Variants in GALNT2 observed in about 807,000 individuals in gnomAD.
The protein encoded by GALNT2 is UDP-GalNAc:polypeptide N-acetylgalactosaminyltransferase 2.
In GALNT2, 31 loss-of-function variants were observed where a neutral mutation model predicts 81.4. The observed-to-expected ratio is 0.38, with a 90% confidence interval of 0.29 to 0.51. GALNT2 has a LOEUF of 0.51. GALNT2 is among the 20% of genes least tolerant of loss of function. The pLI is 0.87. For missense variants in GALNT2, 629 were observed against 765.7 expected (o/e 0.82, Z 2.11); for synonymous variants, 303 against 287.4 (o/e 1.05, Z -0.55).
At chr1:230,101,040 G>A (rs1660386929) in intron 1 of GALNT2, among the ~76,000 whole-genome samples, 1 of 152,164 alleles carries the variant, frequency 6.6e-6, no homozygotes. Flanking sequence ...ATGCTATACA[G>A]GTTTGTAGCC....
At chr1:230,267,591 G>T (rs115657983) in intron 14 of GALNT2, among the ~76,000 whole-genome samples, 1 of 152,222 alleles carries the variant, frequency 6.6e-6, no homozygotes, top group Non-Finnish European at 1.5e-5. Flanking sequence ...TAGCCTGAGG[G>T]ACCAGTTTTA....
At chr1:230,076,953 G>C (rs180866943) in intron 1 of GALNT2, among the ~76,000 whole-genome samples, 1 of 152,146 alleles carries the variant, frequency 6.6e-6, no homozygotes, top group Admixed American at 6.5e-5. Context: ...ACAGGCTGCT[G>C]CCCTAGAAAA....
At chr1:230,181,890 T>A (rs879872440) in intron 2 of GALNT2, among the ~76,000 whole-genome samples, 9 of 152,226 alleles carry the variant, frequency 5.9e-5, no homozygotes, top group Non-Finnish European at 1.0e-4. Flanking sequence ...TTTGGGAAGA[T>A]TATTAATTAT....
intron 1 of GALNT2, among the ~76,000 whole-genome samples, chr1:230,085,859 C>A (rs77057189): frequency 0.027 from 4,044 of 151,800 alleles, 84 homozygotes; most frequent in Non-Finnish European, 0.042. Context: ...CTGGTGTAGA[C>A]GTTGGGGGTG....
intron 1 of GALNT2, among the ~76,000 whole-genome samples, chr1:230,105,567 G>A (rs2102783013): frequency 6.6e-6 from 1 of 152,304 alleles, no homozygotes; most frequent in African/African-American, 2.4e-5. Flanking sequence ...TTGCTCTTGT[G>A]TAAGCTCCTG....
In GALNT2 at chr1:230,172,589, A is replaced by G. The variant is rs138657334; in HGVS notation, c.127-5629A>G. Among the ~76,000 whole-genome samples the G allele has an allele frequency of 4.6e-5, 7 of 152,346 alleles. No homozygotes were observed. In the East Asian group the frequency reaches 1.3e-3, roughly 29 times the overall value. ...TTGGACTGCACAGTGCCCTGCACGCATAGATTCGATCAATAGTGCCTAAGG... is the reference window on the plus strand; with the variant it reads ...TTGGACTGCACAGTGCCCTGCACGCGTAGATTCGATCAATAGTGCCTAAGG... On this transcript the variant is annotated intron_variant, in intron 1 of 15. Transcript: ENST00000366672.
chr1:230,160,724 C>A (rs4846915), intron 1 of GALNT2, among the ~76,000 whole-genome samples: 133,900 of 150,572 alleles, frequency 0.89, 59,736 homozygotes, highest in East Asian at 0.96. Flanking sequence ...AAAAAAAAAA[C>A]ACGAAACTTT....
At chr1:230,121,717 C>T (rs768377145) in intron 1 of GALNT2, among the ~76,000 whole-genome samples, 8 of 152,176 alleles carry the variant, frequency 5.3e-5, no homozygotes, top group Non-Finnish European at 2.9e-5. Flanking sequence ...TCCATGCCCA[C>T]GGAGTCAGTC....
At chr1:230,069,257 GTTTGTTTTTT>G (rs1223836506) in intron 1 of GALNT2, among the ~76,000 whole-genome samples, 3,451 of 124,840 alleles carry the variant, frequency 0.028, 132 homozygotes, top group African/African-American at 0.18. Flanking sequence ...GTGATTCTTA[GTTTGTTTTTT>G]TTTGTTTTGT....
rs763450725 is a variant in GALNT2, at chr1:230,236,664, G to A, written c.546G>A (p.Glu182=). 4 of 1,612,686 alleles carry A rather than the reference G, an allele frequency of 2.5e-6. No homozygotes were observed. Among genetic ancestry groups the A allele is most frequent in the East Asian group, 4.5e-5 (2 of 44,882 alleles). ...CTGCTTCTTTTCTTTTCCTAGCTGAGGACGGGGCTCTCTTGGGGAAAATTG... is the reference window on the plus strand; with the variant it reads ...CTGCTTCTTTTCTTTTCCTAGCTGAAGACGGGGCTCTCTTGGGGAAAATTG... ...ILVDDYSNDP[E]DGALLGKIEK... Residue 182 remains glutamate, a synonymous_variant, in exon 6 of 16, where the codon GAG becomes GAA. Coordinates refer to ENST00000366672, the MANE Select transcript of GALNT2 (RefSeq NM_004481.5).
At chr1:230,161,611 G>T (rs573903496) in intron 1 of GALNT2, among the ~76,000 whole-genome samples, 1 of 152,314 alleles carries the variant, frequency 6.6e-6, no homozygotes, top group African/African-American at 2.4e-5. Flanking sequence ...TGAGCATATG[G>T]TTGGTTGGAG....
chr1:230,214,382 G>A (rs953000646), intron 3 of GALNT2, among the ~76,000 whole-genome samples: 3 of 152,154 alleles, frequency 2.0e-5, no homozygotes, highest in Non-Finnish European at 4.4e-5. Context: ...AAAGTGCTGG[G>A]ATTACAGGTG....
intron 10 of GALNT2, among the ~76,000 whole-genome samples, chr1:230,254,024 C>T (rs897161478): frequency 6.6e-6 from 1 of 152,124 alleles, no homozygotes; most frequent in African/African-American, 2.4e-5. Flanking sequence ...TTTGTCCTGC[C>T]TCCCTAACAT....
intron 1 of GALNT2, among the ~76,000 whole-genome samples, chr1:230,083,481 G>T (rs2102756910): frequency 1.3e-5 from 2 of 152,042 alleles, no homozygotes; most frequent in Middle Eastern, 3.4e-3. Context: ...GGATGATGGA[G>T]CAGGGGGCTG....
At chr1:230,150,056 C>A (rs982644492) in intron 1 of GALNT2, among the ~76,000 whole-genome samples, 12 of 152,206 alleles carry the variant, frequency 7.9e-5, no homozygotes, top group South Asian at 2.1e-4. Flanking sequence ...GTATGATGGA[C>A]CCCAGGGTGA....
intron 1 of GALNT2, among the ~76,000 whole-genome samples, chr1:230,158,062 G>A (rs542122291): frequency 2.6e-5 from 4 of 152,348 alleles, no homozygotes; most frequent in African/African-American, 9.6e-5. Context: ...GAACCGTCAT[G>A]GAACAGGCCA....
rs760210700 is a variant in GALNT2 at position 230,279,383 on chromosome 1, C to T, written c.1641C>T (p.Ser547=). The change falls in exon 16 of 16, where the codon AGC becomes AGT. Residue 547 remains serine, a synonymous_variant. Coordinates refer to ENST00000366672, the MANE Select transcript of GALNT2 (RefSeq NM_004481.5). This position sits in a 1 kb window ranked among gnomAD's most constrained non-coding sequence, Gnocchi z 4.6. ...GCCTGGACAGTCGCACGGCCAAGAGCGGGGGCCTAAGCGTGGAGGTGTGTG... is the reference window on the plus strand; with the variant it reads ...GCCTGGACAGTCGCACGGCCAAGAGTGGGGGCCTAAGCGTGGAGGTGTGTG... The part of the protein sequence containing the change: ...NLCLDSRTAK[S]GGLSVEVCGP... 14 of 1,614,144 alleles carry T rather than the reference C, an allele frequency of 8.7e-6. No homozygotes were observed. The highest frequency in any genetic ancestry group is 4.0e-5 in the African/African-American group (3 of 75,056).
At position 230,201,845 on chromosome 1, in the gene GALNT2, C is replaced by G. The variant is rs116423217; in HGVS notation, c.221-1292C>G. On this transcript the variant is annotated intron_variant, in intron 2 of 15. Transcript: ENST00000366672. Reference sequence around the variant, plus strand: ...TGCATGCCCACACCCTGCCTTTGTTCAGTTATCTGCTCAAAATCATCTTGC... The same window carrying G: ...TGCATGCCCACACCCTGCCTTTGTTGAGTTATCTGCTCAAAATCATCTTGC... 2.7e-3 allele frequency among the ~76,000 whole-genome samples: 415 copies of G among 152,292 alleles called. 5 individuals are homozygous for G. The highest frequency in any genetic ancestry group is 9.7e-3 in the African/African-American group (402 of 41,570).
chr1:230,180,068 G>T (rs1663108909), intron 2 of GALNT2, among the ~76,000 whole-genome samples: 1 of 152,146 alleles, frequency 6.6e-6, no homozygotes, highest in Non-Finnish European at 1.5e-5. Flanking sequence ...ACAGGCATCT[G>T]CCACCAAGCC....
Sources: allele counts gnomAD v4.1 joint callset (sites outside exome capture counted in the v4.1 genomes callset), GRCh38; gene constraint gnomAD v4.1.1; non-coding constraint Gnocchi (gnomAD v3.1); transcripts MANE v1.5; gene names NCBI Gene and HGNC (gene_info 2026-07-23, HGNC 2026-07-21).